The following CDHR2 variants were observed in gnomAD, a reference collection of about 807,000 sequenced individuals.
CDHR2 encodes cadherin-related family member 2.
In CDHR2, 104 loss-of-function variants were observed where a neutral mutation model predicts 138.6. The observed-to-expected ratio is 0.75, with a 90% CI of 0.64 to 0.88. CDHR2 has a LOEUF of 0.88. Ranked by LOEUF, CDHR2 falls within the 40% of genes least tolerant of loss-of-function variation. CDHR2 has a pLI of 0.00. For synonymous variants in CDHR2, 755 were observed against 742.8 expected (o/e 1.02, Z -0.27); for missense variants, 1,624 against 1,727.6 (o/e 0.94, Z 1.06).
At chr5:176,594,417 C>T (rs148904498) in intron 31 of CDHR2, among the ~76,000 whole-genome samples, 50 of 152,298 alleles carry the variant, frequency 3.3e-4, no homozygotes, top group Non-Finnish European at 5.1e-4. Flanking sequence ...AAGCTCCACA[C>T]GTCTGTGTGG....
intron 30 of CDHR2, among the ~76,000 whole-genome samples, chr5:176,592,499 G>A (rs1279848192): frequency 6.7e-6 from 1 of 148,330 alleles, no homozygotes; most frequent in Non-Finnish European, 1.5e-5. Context: ...TGGTGGTGGT[G>A]ATAGTGATTA....
intron 6 of CDHR2, among the ~76,000 whole-genome samples, chr5:176,572,958 T>A (rs1236429243): frequency 6.6e-6 from 1 of 152,104 alleles, no homozygotes; most frequent in Non-Finnish European, 1.5e-5. Flanking sequence ...AGCCCCACAA[T>A]GAGCACGAGA....
At chr5:176,588,435 AT>A (rs1278537175) in intron 21 of CDHR2, among the ~76,000 whole-genome samples, 1 of 117,988 alleles carries the variant, frequency 8.5e-6, no homozygotes, top group Non-Finnish European at 1.8e-5. Context: ...GTGTGTCAGG[AT>A]AAGTGTGTGA....
At position 176,581,462 on chromosome 5, in the gene CDHR2, G is replaced by A. The variant is rs1037438552; in HGVS notation, c.1938G>A (p.Gly646=). 2.5e-6 allele frequency: 4 copies of A among 1,614,032 alleles called. No individual in the cohort carries two copies. In the African/African-American group the frequency reaches 5.3e-5, roughly 22 times the overall value. The change falls in exon 17 of 32, where the codon GGG becomes GGA. Residue 646 remains glycine, a synonymous_variant. Coordinates refer to ENST00000261944, the MANE Select transcript of CDHR2 (RefSeq NM_017675.6). ...DPDTGLLRNL[G]PLDREAIDPA... ...ACACAGGGCTCCTCAGAAACCTGGGGCCCCTGGACAGAGAGGCCATCGACC... is the reference window on the plus strand; with the variant it reads ...ACACAGGGCTCCTCAGAAACCTGGGACCCCTGGACAGAGAGGCCATCGACC...
exon 1 of CDHR2, chr5:176,542,546 A>C (rs1757472301): frequency 1.3e-5 from 2 of 152,240 alleles, no homozygotes; most frequent in Admixed American, 1.3e-4. Context: ...TTCAGTGATG[A>C]AAACCGAGGG....
chr5:176,560,541 C>T (rs1232755307), intron 1 of CDHR2, among the ~76,000 whole-genome samples: 3 of 152,184 alleles, frequency 2.0e-5, no homozygotes, highest in Admixed American at 1.3e-4. Flanking sequence ...CCACTTAAAG[C>T]GGTTCCCTTC....
Position 176,563,284 on chromosome 5 carries a change from G to T in CDHR2, c.-15-2054G>T, listed in dbSNP as rs377087181. 1.4e-4 allele frequency among the ~76,000 whole-genome samples: 22 copies of T among 152,248 alleles called. No homozygotes were observed. In the South Asian group the frequency reaches 2.7e-3, roughly 19 times the overall value. The stretch of plus-strand genomic sequence containing the variant: ...AATCACTTGAACAATGGAGGCAGAG[G>T]TTGCAGTGAGCCGAGATGGCACCAC... On this transcript the variant is annotated intron_variant, in intron 1 of 31. Coordinates refer to ENST00000261944, the MANE Select transcript of CDHR2 (RefSeq NM_017675.6).
Position 176,593,869 on chromosome 5 carries a change from G to A in CDHR2, c.3792+1089G>A, listed in dbSNP as rs532352714. ...CAGGGAATCTGGCACAGAGGCCTCC[G>A]GACAGGCCCCAGGTATGGTTGTGTG... On this transcript the variant is annotated intron_variant, in intron 31 of 31. Transcript: ENST00000261944. Among the ~76,000 whole-genome samples, 47 of 152,288 alleles carry A rather than the reference G, an allele frequency of 3.1e-4. No homozygotes were observed. The East Asian group carries it at 3.7e-3, about 12-fold the overall frequency.
chr5:176,594,521 G>A (rs1758968731), intron 31 of CDHR2, among the ~76,000 whole-genome samples: 1 of 152,232 alleles, frequency 6.6e-6, no homozygotes, highest in African/African-American at 2.4e-5. Context: ...CTTGCTCAAA[G>A]TGGGACAGCT....
chr5:176,558,774 C>A (rs533425165), intron 1 of CDHR2, among the ~76,000 whole-genome samples: 1 of 152,360 alleles, frequency 6.6e-6, no homozygotes, highest in South Asian at 2.1e-4. Context: ...CCCACCTCGG[C>A]CTCCCAAAGT....
In CDHR2 at chr5:176,564,321, G is replaced by A. The variant is rs139575626; in HGVS notation, c.-15-1017G>A. On this transcript the variant is annotated intron_variant, in intron 1 of 31. Transcript: ENST00000261944. ...CTGCCTCAGACTCCCGAGTAGCTGGGATTACAGGCACCCACCACCATGCCC... is the reference window on the plus strand; with the variant it reads ...CTGCCTCAGACTCCCGAGTAGCTGGAATTACAGGCACCCACCACCATGCCC... Among the ~76,000 whole-genome samples, 986 of 152,274 alleles carry A rather than the reference G, an allele frequency of 6.5e-3. 8 individuals carry two copies. Among genetic ancestry groups the A allele is most frequent in the African/African-American group, 0.023 (950 of 41,554 alleles).
At chr5:176,566,118 G>A (rs1339767656) in intron 3 of CDHR2, among the ~76,000 whole-genome samples, 1 of 151,248 alleles carries the variant, frequency 6.6e-6, no homozygotes, top group Non-Finnish European at 1.5e-5. Flanking sequence ...TAAAGGGAGA[G>A]CAGGTGTCAG....
chr5:176,588,515 GCA>G (rs1758737209), intron 21 of CDHR2, among the ~76,000 whole-genome samples: 2 of 146,638 alleles, frequency 1.4e-5, no homozygotes, highest in Non-Finnish European at 1.5e-5. Context: ...ATGAGTGTGT[GCA>G]TGTGTGTGAG....
intron 1 of CDHR2, among the ~76,000 whole-genome samples, chr5:176,564,864 G>T (rs1758043997): frequency 6.6e-6 from 1 of 152,010 alleles, no homozygotes; most frequent in Non-Finnish European, 1.5e-5. Flanking sequence ...CCCTCTCCAG[G>T]GTCTTGATTG....
In CDHR2 at chr5:176,584,607, T is replaced by C. The variant is rs1758610627; in HGVS notation, c.2326T>C (p.Leu776=). 1 of 1,607,052 alleles carries C rather than the reference T, an allele frequency of 6.2e-7. No individual in the cohort carries two copies. The highest frequency in any genetic ancestry group is 1.7e-5 in the Admixed American group (1 of 59,796). The change falls in exon 19 of 32, where the codon TTG becomes CTG. Residue 776 remains leucine (L), a synonymous_variant. Coordinates refer to ENST00000261944, the MANE Select transcript of CDHR2 (RefSeq NM_017675.6). ...TTACGAGACACAGCCCGTCTTCAAC[T>C]TGACAGTGAGTGCTGAGAACCCAGA... The part of the protein sequence containing the change: ...LDYETQPVFN[L]TVSAENPDPQ...
upstream of CDHR2, among the ~76,000 whole-genome samples, chr5:176,546,981 CTTT>C (rs10719326): frequency 1.9e-4 from 26 of 136,250 alleles, no homozygotes; most frequent in East Asian, 2.1e-4. Flanking sequence ...TCTTTTTGGT[CTTT>C]TTTTTTTTTT....
intron 31 of CDHR2, among the ~76,000 whole-genome samples, chr5:176,593,127 G>A (rs779368995): frequency 5.9e-5 from 9 of 152,202 alleles, no homozygotes; most frequent in East Asian, 1.9e-4. Context: ...CTTTATGGCC[G>A]TTATAGGAAA....
upstream of CDHR2, among the ~76,000 whole-genome samples, chr5:176,545,927 C>A (rs1174721314): frequency 2.0e-5 from 3 of 152,224 alleles, no homozygotes; most frequent in Admixed American, 2.0e-4. Flanking sequence ...GTGATGGGTC[C>A]AAAGGTCTGG....
rs1561881284 is a variant in CDHR2, at chr5:176,589,109, GC to G, written c.2937del (p.Thr980ProfsTer26). ...LRVDFISKDG[A>X]TIPFQGVFSI... ...AGTAGACTTCATCTCTAAGGACGGG[GC>G]CACCATCCCTTTCCAGGGTGTCTTC... On this transcript the variant is annotated frameshift_variant, in exon 22 of 32. Coordinates refer to ENST00000261944, the MANE Select transcript of CDHR2 (RefSeq NM_017675.6). LOFTEE classifies it high-confidence loss of function. The G allele has an allele frequency of 6.2e-7, 1 of 1,614,124 alleles. No homozygotes were observed. The highest frequency in any genetic ancestry group is 1.1e-5 in the South Asian group (1 of 91,084).
Sources: gnomAD v4.1 joint callset for allele counts (sites outside exome capture counted in the v4.1 genomes callset) on GRCh38, gnomAD v4.1.1 for gene constraint, MANE v1.5 for transcripts, NCBI Gene and HGNC (gene_info 2026-07-23, HGNC 2026-07-21) for gene names.